MICU1: variants seen among roughly 807,000 people sequenced by gnomAD.
The protein encoded by MICU1 is mitochondrial calcium uptake 1.
In MICU1, 45 loss-of-function variants were observed where a neutral mutation model predicts 56.8. The ratio of observed to expected loss-of-function variants is 0.79; its 90% CI spans 0.62 to 1.02. The LOEUF is 1.02. Among genes scored for constraint, MICU1 ranks in the 50% least tolerant of loss-of-function variants. The pLI is 0.00. For synonymous variants in MICU1, 186 were observed against 195.1 expected, an observed-to-expected ratio of 0.95 and a Z score of 0.39; for missense variants, 504 against 587.1, an observed-to-expected ratio of 0.86 and a Z score of 1.46.
At chr10:72,589,582 A>T (rs1336115004) in intron 1 of MICU1, among the ~76,000 whole-genome samples, 1 of 151,228 alleles carries the variant, frequency 6.6e-6, no homozygotes, top group Non-Finnish European at 1.5e-5. Flanking sequence ...ATACTGAAGG[A>T]AAAAAAAACC....
At chr10:72,558,528 T>C (rs944241237) in intron 3 of MICU1, among the ~76,000 whole-genome samples, 2 of 152,156 alleles carry the variant, frequency 1.3e-5, no homozygotes, top group Non-Finnish European at 2.9e-5. Context: ...AGGGCTTCTC[T>C]TGACCATGAA....
At chr10:72,433,750 T>G (rs1444588655) in intron 8 of MICU1, among the ~76,000 whole-genome samples, 1 of 152,220 alleles carries the variant, frequency 6.6e-6, no homozygotes, top group Admixed American at 6.5e-5. Context: ...TTCATTGGCT[T>G]ATATTCTTGG....
chr10:72,608,041 T>C (rs952140278), intron 1 of MICU1, among the ~76,000 whole-genome samples: 4 of 152,144 alleles, frequency 2.6e-5, no homozygotes, highest in Admixed American at 2.6e-4. Flanking sequence ...CTTACACAGA[T>C]TGTTTTTTCC....
chr10:72,467,155 C>G (rs188676093), intron 8 of MICU1, among the ~76,000 whole-genome samples: 1 of 152,000 alleles, frequency 6.6e-6, no homozygotes, highest in East Asian at 1.9e-4. Context: ...TATGCCACCA[C>G]GTCTGACTAA....
At chr10:72,493,199 A>G (rs1476431109) in intron 6 of MICU1, among the ~76,000 whole-genome samples, 2 of 150,982 alleles carry the variant, frequency 1.3e-5, no homozygotes, top group South Asian at 2.1e-4. Flanking sequence ...ATGTGTATAC[A>G]CACACACACA....
chr10:72,475,429 C>T, intron 7 of MICU1, 132 bp from the exon 8 acceptor site: 1 of 837,104 alleles, frequency 1.2e-6, no homozygotes, highest in South Asian at 2.1e-5. Context: ...TTAATGCTTA[C>T]AACAATTTTT....
chr10:72,621,286 G>A (rs541541497), intron 1 of MICU1, among the ~76,000 whole-genome samples: 1 of 152,044 alleles, frequency 6.6e-6, no homozygotes, highest in African/African-American at 2.4e-5. Flanking sequence ...TCAGGAGTTC[G>A]AGACCAGACT....
intron 11 of MICU1, among the ~76,000 whole-genome samples, chr10:72,368,683 T>C (rs946202957): frequency 1.3e-5 from 2 of 152,122 alleles, no homozygotes; most frequent in African/African-American, 2.4e-5. Context: ...CAAATTATTA[T>C]ACCACAGTGT....
At position 72,524,784 on chromosome 10, in the gene MICU1, T is replaced by G. The variant is rs1307104854; in HGVS notation, c.537+8962A>C. On this transcript the variant is annotated intron_variant, in intron 5 of 11. Coordinates refer to ENST00000361114, the MANE Select transcript of MICU1 (RefSeq NM_001195518.2). Reference sequence around the variant, plus strand: ...TGAGAAAAAGAAAAAACATTGACATTGTTTGATTATATGAACAAACTAATC... The same window carrying G: ...TGAGAAAAAGAAAAAACATTGACATGGTTTGATTATATGAACAAACTAATC... 5 of 1,216,928 alleles carry G rather than the reference T, an allele frequency of 4.1e-6. No individual in the cohort carries two copies. In the East Asian group the frequency reaches 1.6e-4, roughly 38 times the overall value. The allele number at this position is 1,216,928 out of a possible 1,614,324, so 75.4% of individuals were successfully genotyped here.
intron 8 of MICU1, among the ~76,000 whole-genome samples, chr10:72,469,876 T>G (rs2132256827): frequency 6.6e-6 from 1 of 152,318 alleles, no homozygotes; most frequent in East Asian, 1.9e-4. Flanking sequence ...CCTCTTCACA[T>G]GATTATCTCT....
chr10:72,477,203 C>T lies in MICU1; in HGVS notation c.706G>A (p.Gly236Arg). Residue 236 changes from glycine (G) to arginine (R), a missense_variant, in exon 7 of 12, where the codon GGA becomes AGA. Coordinates refer to ENST00000361114, the MANE Select transcript of MICU1 (RefSeq NM_001195518.2). The part of the protein sequence containing the change: ...AFKMFDLNGD[G>R]EVDMEEFEQV... ...TCAAATTCTTCCATATCTACTTCTC[C>T]ATCTCCATTCAAATCAAACATCTTG... 2 of 1,549,282 alleles carry T rather than the reference C, an allele frequency of 1.3e-6. No individual in the cohort carries two copies. Among genetic ancestry groups the T allele is most frequent in the Non-Finnish European group, 1.7e-6 (2 of 1,146,530 alleles).
intron 6 of MICU1, among the ~76,000 whole-genome samples, chr10:72,500,769 A>G (rs1037900970): frequency 6.6e-6 from 1 of 152,252 alleles, no homozygotes; most frequent in African/African-American, 2.4e-5. Flanking sequence ...CAAGGGCCAA[A>G]TTCTAAGTTA....
intron 6 of MICU1, among the ~76,000 whole-genome samples, chr10:72,486,981 T>C (rs1866495375): frequency 2.0e-5 from 3 of 152,190 alleles, no homozygotes; most frequent in Non-Finnish European, 4.4e-5. Context: ...CAGAGCAACA[T>C]AAATTCTGCT....
chr10:72,618,785 A>G (rs189202669), intron 1 of MICU1, among the ~76,000 whole-genome samples: 12 of 152,342 alleles, frequency 7.9e-5, no homozygotes, highest in African/African-American at 2.9e-4. Flanking sequence ...GTGCTGTTCA[A>G]TACAATAGCC....
chr10:72,569,225 A>ATTTTTTTT lies in MICU1; in HGVS notation c.-1-2432_-1-2431insAAAAAAAA, dbSNP rs1320606721. On this transcript the variant is annotated intron_variant, in intron 1 of 11. Coordinates refer to ENST00000361114, the MANE Select transcript of MICU1 (RefSeq NM_001195518.2). ...TATATGCATATATATATATATATATATATATATATATATTTTTTTTTTTTT... is the reference window on the plus strand; with the variant it reads ...TATATGCATATATATATATATATATATTTTTTTTTATATATATATATTTTTTTTTTTTT... Among the ~76,000 whole-genome samples the ATTTTTTTT allele has an allele frequency of 3.2e-4, 13 of 40,500 alleles. 2 individuals are homozygous for ATTTTTTTT. The highest frequency in any genetic ancestry group is 1.5e-3 in the African/African-American group (13 of 8,460). 26.6% of individuals were successfully genotyped at this position (40,500 alleles called of 152,430 possible).
At chr10:72,587,207 A>G (rs1198712618) in intron 1 of MICU1, among the ~76,000 whole-genome samples, 1 of 152,126 alleles carries the variant, frequency 6.6e-6, no homozygotes, top group African/African-American at 2.4e-5. Flanking sequence ...TCTTTATCAA[A>G]AGTGTCTATA....
At chr10:72,417,354 T>C (rs1180721381) in intron 9 of MICU1, among the ~76,000 whole-genome samples, 1 of 148,838 alleles carries the variant, frequency 6.7e-6, no homozygotes, top group African/African-American at 2.5e-5. Context: ...CTCAGGAGGC[T>C]GAGGCAGGAG....
intron 6 of MICU1, among the ~76,000 whole-genome samples, chr10:72,491,016 C>T (rs772477066): frequency 6.6e-6 from 1 of 152,102 alleles, no homozygotes; most frequent in Non-Finnish European, 1.5e-5. Context: ...AGCCAAACAC[C>T]AAACAGAATT....
intron 5 of MICU1, among the ~76,000 whole-genome samples, chr10:72,514,898 G>C (rs750091646): frequency 1.3e-5 from 2 of 152,114 alleles, no homozygotes; most frequent in Non-Finnish European, 2.9e-5. Flanking sequence ...TCCTTACAAA[G>C]CCTCTTCCTT....
Sources: allele counts gnomAD v4.1 joint callset (sites outside exome capture counted in the v4.1 genomes callset), GRCh38; gene constraint gnomAD v4.1.1; transcripts MANE v1.5; gene names NCBI Gene and HGNC (gene_info 2026-07-23, HGNC 2026-07-21).